The following GAPVD1 variants were observed in gnomAD, a reference collection of about 807,000 sequenced individuals.
GAPVD1 encodes the protein GTPase-activating protein and VPS9 domain-containing protein 1.
In GAPVD1, 35 loss-of-function variants were observed where a neutral mutation model predicts 155.5. That is an observed-to-expected ratio of 0.23 (90% confidence interval 0.17 to 0.30). GAPVD1 has a LOEUF of 0.30. Among genes scored for constraint, GAPVD1 ranks in the 10% least tolerant of loss-of-function variants. The probability of loss-of-function intolerance (pLI) is 1.00; values close to 1 mark genes in which losing one functional copy is unlikely to be tolerated. For missense variants in GAPVD1, 1,429 were observed against 1,775.7 expected, an observed-to-expected ratio of 0.80 and a Z score of 3.51; for synonymous variants, 636 against 619.7, an observed-to-expected ratio of 1.03 and a Z score of -0.39.
chr9:125,341,145 A>T (rs772313849), intron 17 of GAPVD1, 32 bp from the exon 18 acceptor site: 5 of 1,063,288 alleles, frequency 4.7e-6, no homozygotes, highest in Non-Finnish European at 7.4e-6. Context: ...CTGCTATCCA[A>T]CTCCAAATAA....
intron 11 of GAPVD1, among the ~76,000 whole-genome samples, chr9:125,324,808 A>G (rs1017426889): frequency 2.0e-5 from 3 of 152,160 alleles, no homozygotes; most frequent in Non-Finnish European, 4.4e-5. Context: ...TTGTGGAAAG[A>G]AGGATATCAG....
At position 125,293,866 on chromosome 9, in the gene GAPVD1, A is replaced by ATATTTTATATATATATAAATATATTT. The variant is rs1554757136; in HGVS notation, c.-149-1589_-149-1588insTTTATATATATATAAATATATTTTAT. 5.7e-4 allele frequency among the ~76,000 whole-genome samples: 10 copies of ATATTTTATATATATATAAATATATTT among 17,544 alleles called. 1 individual carries two copies. In the East Asian group the frequency reaches 9.9e-3, roughly 17 times the overall value. 11.5% of individuals were successfully genotyped at this position (17,544 alleles called of 152,430 possible). A position where few individuals can be genotyped will look rare whatever the true frequency, so the allele number is the denominator to read the frequency against. The stretch of plus-strand genomic sequence containing the variant: ...AAAAATATATTTTATATATATATAT[A>ATATTTTATATATATATAAATATATTT]TATATATATATATATATATATATAT... On this transcript the variant is annotated intron_variant, in intron 2 of 27. Transcript: ENST00000297933.
chr9:125,351,546 A>G (rs1033674201), intron 23 of GAPVD1, among the ~76,000 whole-genome samples: 3 of 152,180 alleles, frequency 2.0e-5, no homozygotes, highest in African/African-American at 7.2e-5. Flanking sequence ...CCTAGATACA[A>G]TGGAGGTGCA....
At chr9:125,349,338 A>G (rs1848977726) in intron 20 of GAPVD1, 52 bp from the exon 21 acceptor site, 2 of 1,546,830 alleles carry the variant, frequency 1.3e-6, no homozygotes. Flanking sequence ...CTAGTGCCAT[A>G]ATATTCCAAA....
chr9:125,327,397 T>A (rs539020536), intron 12 of GAPVD1, among the ~76,000 whole-genome samples: 75 of 152,330 alleles, frequency 4.9e-4, no homozygotes, highest in African/African-American at 1.6e-3. Context: ...TGTGCAGATT[T>A]GTTACATGGG....
chr9:125,312,651 T>C, intron 9 of GAPVD1, 39 bp downstream of exon 9: 1 of 1,482,440 alleles, frequency 6.7e-7, no homozygotes. Flanking sequence ...TATTCATGTC[T>C]TAGTCCATAC....
intron 12 of GAPVD1, among the ~76,000 whole-genome samples, chr9:125,328,414 G>C (rs535120383): frequency 1.5e-5 from 2 of 135,740 alleles, no homozygotes; most frequent in East Asian, 4.0e-4. Context: ...TAAGGAGCAT[G>C]CTGCCTTCAA....
At position 125,279,602 on chromosome 9, in the gene GAPVD1, TA is replaced by T. The variant is rs889068530; in HGVS notation, c.-150+10628del. Among the ~76,000 whole-genome samples, 9 of 135,258 alleles carry T rather than the reference TA, an allele frequency of 6.7e-5. No homozygotes were observed. In the South Asian group the frequency reaches 7.1e-4, roughly 11 times the overall value. 88.7% of individuals were successfully genotyped at this position (135,258 alleles called of 152,430 possible). ...AAAAAAAAAAATTAAAAATCAAAAA[TA>T]AAAAAAAAACACTGAGGAAAAGTAT... is the stretch of plus-strand genomic sequence containing the variant. On this transcript the variant is annotated intron_variant, in intron 2 of 27. Transcript: ENST00000297933.
At position 125,330,059 on chromosome 9, in the gene GAPVD1, C is replaced by A; in HGVS notation, c.2033-19C>A. The A allele has an allele frequency of 6.3e-7, 1 of 1,576,350 alleles. No individual in the cohort carries two copies. On this transcript the variant is annotated intron_variant, in intron 12 of 27. Coordinates refer to ENST00000297933, the MANE Select transcript of GAPVD1 (RefSeq NM_001282680.3). ...CTCCAGGATCTTTGTTAACCCTTTG[C>A]TTCCCACTGGTTATACAGGTGCTGC...
At chr9:125,325,941 G>A (rs1588958066) in intron 11 of GAPVD1, among the ~76,000 whole-genome samples, 1 of 152,170 alleles carries the variant, frequency 6.6e-6, no homozygotes, top group Non-Finnish European at 1.5e-5. Flanking sequence ...ATCTCACACA[G>A]TCTCACTCTA....
intron 12 of GAPVD1, among the ~76,000 whole-genome samples, chr9:125,329,830 C>T (rs1409617391): frequency 6.6e-6 from 1 of 152,014 alleles, no homozygotes; most frequent in Admixed American, 6.6e-5. Context: ...TACCGGTGCA[C>T]GCCACCATAC....
intron 15 of GAPVD1, chr9:125,335,211 A>G (rs12552401): frequency 5.2e-6 from 4 of 772,146 alleles, no homozygotes; most frequent in Non-Finnish European, 9.6e-6. Flanking sequence ...CATTTTCAAC[A>G]CATTGAAGCA....
At chr9:125,343,079 G>C (rs1848044604) in intron 19 of GAPVD1, among the ~76,000 whole-genome samples, 1 of 152,156 alleles carries the variant, frequency 6.6e-6, no homozygotes, top group Non-Finnish European at 1.5e-5. Context: ...TCTTGAGCAA[G>C]TTTGTTCAAC....
intron 23 of GAPVD1, among the ~76,000 whole-genome samples, chr9:125,352,598 G>A (rs778083636): frequency 6.6e-6 from 1 of 152,210 alleles, no homozygotes; most frequent in Non-Finnish European, 1.5e-5. Context: ...TTTCCTCCTA[G>A]GCCTCTGGGC....
rs1848396569 is a variant in GAPVD1 at position 125,345,476 on chromosome 9, AG to A, written c.3047-1342del. 3.3e-5 allele frequency among the ~76,000 whole-genome samples: 5 copies of A among 152,264 alleles called. No individual in the cohort carries two copies. In the South Asian group the frequency reaches 1.0e-3, roughly 32 times the overall value. On this transcript the variant is annotated intron_variant, in intron 19 of 27. Transcript: ENST00000297933. ...ATTACAGGCGTGAGCCACCGTGCCC[AG>A]CCTAATACAGTATCTTCAATCTGCA...
chr9:125,360,010 A>C (rs1850683201), intron 26 of GAPVD1, among the ~76,000 whole-genome samples: 1 of 152,222 alleles, frequency 6.6e-6, no homozygotes, highest in Non-Finnish European at 1.5e-5. Context: ...CTAATGAGAC[A>C]TGAATTAGCA....
intron 9 of GAPVD1, 84 bp from the exon 10 acceptor site, chr9:125,321,349 G>T (rs1224316680): frequency 3.4e-6 from 3 of 888,086 alleles, no homozygotes; most frequent in Non-Finnish European, 5.4e-6. Flanking sequence ...TAAGATTAAG[G>T]AGTTAAATAT....
intron 4 of GAPVD1, among the ~76,000 whole-genome samples, chr9:125,299,802 C>T (rs1380509737): frequency 8.0e-4 from 117 of 145,586 alleles, no homozygotes; most frequent in Admixed American, 1.7e-3. Context: ...GGGTGGATCA[C>T]GAGGTCAGGA....
chr9:125,315,623 C>T (rs1287654096), intron 9 of GAPVD1, among the ~76,000 whole-genome samples: 4 of 152,092 alleles, frequency 2.6e-5, no homozygotes, highest in African/African-American at 9.7e-5. Context: ...GGCAGCTACA[C>T]AGGTGGCATT....
Sources: gnomAD v4.1 joint callset for allele counts (sites outside exome capture counted in the v4.1 genomes callset) on GRCh38, gnomAD v4.1.1 for gene constraint, MANE v1.5 for transcripts, NCBI Gene and HGNC (gene_info 2026-07-23, HGNC 2026-07-21) for gene names.